Variants in VRTN observed in about 807,000 individuals in gnomAD.
VRTN encodes vertebrae development associated.
Under a neutral mutation model 18.2 loss-of-function variants are expected in VRTN, and 5 were observed. The ratio of observed to expected loss-of-function variants is 0.27; its 90% CI spans 0.14 to 0.58. The LOEUF is 0.58. Among genes scored for constraint, VRTN ranks in the 20% least tolerant of loss-of-function variants. VRTN has a pLI of 0.91. For synonymous variants in VRTN, 381 were observed against 393.7 expected (o/e 0.97, Z 0.38); for missense variants, 741 against 939.4 (o/e 0.79, Z 2.76).
At chr14:74,306,896 G>A (rs1246790180) in intron 1 of VRTN, among the ~76,000 whole-genome samples, 1 of 151,818 alleles carries the variant, frequency 6.6e-6, no homozygotes, top group African/African-American at 2.4e-5. Context: ...CGGAGCCACC[G>A]CTCCTGGCCT....
rs200658066 is a variant in VRTN, at chr14:74,357,941, G to A, written c.1158G>A (p.Glu386=). ...CGGAGGAGCAGGTGGCTGAGGAGGA[G>A]CTGGAGTGCTCCGCACTGGCGGTGT... ...KLPEEQVAEE[E]LECSALAVSS... is the part of the protein sequence containing the mutation. The change falls in exon 2 of 2, where the codon GAG becomes GAA. Residue 386 remains glutamate, a synonymous_variant. Coordinates refer to ENST00000256362, the MANE Select transcript of VRTN (RefSeq NM_018228.3). The surrounding 1 kb of genome is among the most constrained non-coding windows in gnomAD (Gnocchi z 7.8). 10 of 1,614,234 alleles carry A rather than the reference G, an allele frequency of 6.2e-6. No individual in the cohort carries two copies. Among genetic ancestry groups the A allele is most frequent in the Admixed American group, 3.3e-5 (2 of 60,028 alleles).
At chr14:74,340,520 G>A (rs181032021) in intron 2 of VRTN, among the ~76,000 whole-genome samples, 1 of 152,312 alleles carries the variant, frequency 6.6e-6, no homozygotes, top group African/African-American at 2.4e-5. Context: ...TGGGATTACA[G>A]GCGTGAGCCA....
chr14:74,359,232 G>A lies in VRTN; in HGVS notation c.*340G>A. ...AGCCGTATGTATGTCAGGGGGTTTA[G>A]AGGGGGGTTGGTTAGCTAGAGCTGC... On this transcript the variant is annotated 3_prime_UTR_variant, in exon 2 of 2. Coordinates refer to ENST00000256362, the MANE Select transcript of VRTN (RefSeq NM_018228.3). 4.1e-6 allele frequency: 1 copy of A among 244,356 alleles called. No individual in the cohort carries two copies. The highest frequency in any genetic ancestry group is 8.5e-6 in the Non-Finnish European group (1 of 118,260). The allele number at this position is 244,356 out of a possible 1,614,324, so 15.1% of individuals were successfully genotyped here. A position where few individuals can be genotyped will look rare whatever the true frequency, so the allele number is the denominator to read the frequency against.
chr14:74,331,544 T>TATA lies in VRTN; in HGVS notation c.-163-6179_-163-6178insATA, dbSNP rs1555411068. Among the ~76,000 whole-genome samples the TATA allele has an allele frequency of 8.7e-3, 379 of 43,412 alleles. 7 individuals are homozygous for TATA. Among genetic ancestry groups the TATA allele is most frequent in the Non-Finnish European group, 0.012 (252 of 20,538 alleles). The allele number at this position is 43,412 out of a possible 152,430, so 28.5% of individuals were successfully genotyped here. On this transcript the variant is annotated intron_variant, in intron 1 of 2. Coordinates refer to the VRTN transcript ENST00000557177. ...AACTCCATCTCAAAAAAAAAAAATT[T>TATA]TATATATATATATATATATATATAT...
At position 74,320,562 on chromosome 14, in the gene VRTN, TC is replaced by T. The variant is rs1397744514; in HGVS notation, c.-163-17160del. On this transcript the variant is annotated intron_variant, in intron 1 of 2. Transcript: ENST00000557177. ...CAGACTTGAGCCACTGCGCCCGGCC[TC>T]TTTTTTTTTTTTTTTTTTTTTTTTT... Among the ~76,000 whole-genome samples the T allele has an allele frequency of 2.3e-4, 19 of 83,624 alleles. 1 individual carries two copies. The highest frequency in any genetic ancestry group is 1.1e-3 in the African/African-American group (19 of 17,488). 54.9% of individuals were successfully genotyped at this position (83,624 alleles called of 152,430 possible). A position where few individuals can be genotyped will look rare whatever the true frequency, so the allele number is the denominator to read the frequency against.
rs749387453 is a variant in VRTN, at chr14:74,357,045, G to C, written c.262G>C (p.Glu88Gln). Residue 88 changes from glutamate to glutamine, a missense_variant, in exon 2 of 2, where the codon GAG becomes CAG. By Grantham distance (29) the Glu-to-Gln change is conservative (BLOSUM62 2). Around this residue, in one of 3 missense-constraint regions of VRTN, gnomAD observed 186 missense variants for 288.3 expected, o/e 0.65. Transcript: ENST00000256362. The surrounding 1 kb of genome is among the most constrained non-coding windows in gnomAD (Gnocchi z 7.8). Reference protein sequence around the residue: ...VCKGEGSLLFEAASMLLWGDA... With the variant: ...VCKGEGSLLFQAASMLLWGDA... ...CAAGGGGGAGGGCAGCCTGCTGTTC[G>C]AGGCGGCCAGCATGCTGCTGTGGGG... The C allele has an allele frequency of 6.2e-7, 1 of 1,609,136 alleles. No individual in the cohort carries two copies. Among genetic ancestry groups the C allele is most frequent in the Admixed American group, 1.7e-5 (1 of 59,880 alleles).
At position 74,309,087 on chromosome 14, in the gene VRTN, C is replaced by T. The variant is rs146250866; in HGVS notation, c.-164+5911C>T. 6.9e-3 allele frequency among the ~76,000 whole-genome samples: 1,052 copies of T among 152,254 alleles called. 10 individuals are homozygous for T. Among genetic ancestry groups the T allele is most frequent in the African/African-American group, 0.021 (887 of 41,554 alleles). On this transcript the variant is annotated intron_variant, in intron 1 of 2. Transcript: ENST00000557177. Reference sequence around the variant, plus strand: ...CAAACCTTGTTTTCCTCTACTCTTCCGGTGATTTTTATTCTTCCTTCCATC... The same window carrying T: ...CAAACCTTGTTTTCCTCTACTCTTCTGGTGATTTTTATTCTTCCTTCCATC...
rs540411670 is a variant in VRTN at position 74,308,599 on chromosome 14, C to T, written c.-164+5423C>T. Among the ~76,000 whole-genome samples, 8 of 152,158 alleles carry T rather than the reference C, an allele frequency of 5.3e-5. 1 individual carries two copies. The South Asian group carries it at 1.7e-3, about 32-fold the overall frequency. ...GTGTGATCTCGGCCCACTGCAACCT[C>T]TGCCTCCCGGGTTCAAGCGATTTTC... On this transcript the variant is annotated intron_variant, in intron 1 of 2. Coordinates refer to the VRTN transcript ENST00000557177.
At chr14:74,313,759 T>C (rs757658948) in intron 1 of VRTN, among the ~76,000 whole-genome samples, 1 of 152,180 alleles carries the variant, frequency 6.6e-6, no homozygotes, top group East Asian at 1.9e-4. Flanking sequence ...GACAGGAAGA[T>C]TGCTTGAGCT....
chr14:74,325,001 A>G (rs2085479910), intron 1 of VRTN, among the ~76,000 whole-genome samples: 1 of 152,172 alleles, frequency 6.6e-6, no homozygotes, highest in Non-Finnish European at 1.5e-5. Context: ...AGGAAAAAAA[A>G]AAAGAGTGTG....
chr14:74,341,535 T>C (rs1191197787), intron 2 of VRTN, among the ~76,000 whole-genome samples: 2 of 152,250 alleles, frequency 1.3e-5, no homozygotes, highest in African/African-American at 4.8e-5. Context: ...TTATTTATTT[T>C]GAGACAGAGT....
chr14:74,336,027 C>G (rs1009217534), intron 1 of VRTN, among the ~76,000 whole-genome samples: 13 of 151,656 alleles, frequency 8.6e-5, no homozygotes, highest in Non-Finnish European at 1.6e-4. Flanking sequence ...AGGTGTGAGC[C>G]ACCGCACCCA....
chr14:74,307,137 CTTTTT>C (rs56345315), intron 1 of VRTN, among the ~76,000 whole-genome samples: 13 of 87,750 alleles, frequency 1.5e-4, no homozygotes, highest in Admixed American at 1.1e-3. Context: ...TGTTGTGGCC[CTTTTT>C]TTTTTTTTTT....
Position 74,352,013 on chromosome 14 carries a change from A to AT in VRTN, c.-2+3371dup, listed in dbSNP as rs1300129492. On this transcript the variant is annotated intron_variant, in intron 1 of 1. Coordinates refer to ENST00000256362, the MANE Select transcript of VRTN (RefSeq NM_018228.3). Reference sequence around the variant, plus strand: ...CGCGGGCCACCATGCCCAGCTAATTATTTTTTTTTTGTATTTTTAGTAGAC... The same window carrying AT: ...CGCGGGCCACCATGCCCAGCTAATTATTTTTTTTTTTGTATTTTTAGTAGAC... 1.9e-3 allele frequency among the ~76,000 whole-genome samples: 262 copies of AT among 141,146 alleles called. 1 individual carries two copies. Among genetic ancestry groups the AT allele is most frequent in the African/African-American group, 5.7e-3 (218 of 38,210 alleles). 92.6% of individuals were successfully genotyped at this position (141,146 alleles called of 152,430 possible).
intron 2 of VRTN, among the ~76,000 whole-genome samples, chr14:74,338,872 G>C (rs919849145): frequency 6.6e-6 from 1 of 152,150 alleles, no homozygotes; most frequent in Non-Finnish European, 1.5e-5. Flanking sequence ...CTACAGGTGT[G>C]AGCCACCATG....
upstream of VRTN, chr14:74,303,057 A>G: frequency 1.2e-6 from 1 of 855,534 alleles, no homozygotes; most frequent in African/African-American, 1.8e-5. Context: ...CCCGGAAGCG[A>G]CCGACGTCTC....
At chr14:74,335,866 G>C (rs186464774) in intron 1 of VRTN, among the ~76,000 whole-genome samples, 162 of 150,888 alleles carry the variant, frequency 1.1e-3, no homozygotes, top group African/African-American at 3.9e-3. Flanking sequence ...TCAGCCTCCC[G>C]AATAGCTGGG....
intron 1 of VRTN, among the ~76,000 whole-genome samples, chr14:74,322,150 A>AT (rs1316764038): frequency 8.5e-5 from 12 of 140,854 alleles, no homozygotes; most frequent in South Asian, 2.3e-4. Context: ...CCGGCTCCCC[A>AT]TATTTTTTTT....
upstream of VRTN, among the ~76,000 whole-genome samples, chr14:74,345,041 AT>A (rs1338019728): frequency 6.6e-6 from 1 of 151,938 alleles, no homozygotes; most frequent in Non-Finnish European, 1.5e-5. Flanking sequence ...TAAAATTTTT[AT>A]TTTTATTTTT....
Sources: gnomAD v4.1 joint callset for allele counts (sites outside exome capture counted in the v4.1 genomes callset) on GRCh38, gnomAD v4.1.1 for gene constraint, gnomAD v4.1.1 regional missense constraint, Gnocchi (gnomAD v3.1) non-coding constraint, MANE v1.5 for transcripts, NCBI Gene and HGNC (gene_info 2026-07-23, HGNC 2026-07-21) for gene names.